SUSD6: variants seen among roughly 807,000 people sequenced by gnomAD.
The protein encoded by SUSD6 is sushi domain containing 6.
In SUSD6, 16 loss-of-function variants were observed where a neutral mutation model predicts 28.4. The ratio of observed to expected loss-of-function variants is 0.56; its 90% CI spans 0.38 to 0.86. The LOEUF is 0.86. Ranked by LOEUF, SUSD6 falls within the 40% of genes least tolerant of loss-of-function variation. SUSD6 has a pLI of 0.00. For missense variants in SUSD6, 341 were observed against 384.2 expected (o/e 0.89, Z 0.94); for synonymous variants, 147 against 159.6 (o/e 0.92, Z 0.59).
chr14:69,663,378 T>C lies in SUSD6; in HGVS notation c.121+4665T>C, dbSNP rs554514997. Among the ~76,000 whole-genome samples the C allele has an allele frequency of 9.3e-4, 142 of 152,344 alleles. 1 individual carries two copies. The highest frequency in any genetic ancestry group is 1.2e-3 in the Non-Finnish European group (84 of 68,032). ...GAAAACAGCCATCTGCATTTCTACATGACAGAAAGCCAGGCAGTTAGTTTT... is the reference window on the plus strand; with the variant it reads ...GAAAACAGCCATCTGCATTTCTACACGACAGAAAGCCAGGCAGTTAGTTTT... On this transcript the variant is annotated intron_variant, in intron 2 of 5. Transcript: ENST00000342745.
chr14:69,709,021 A>G lies in SUSD6; in HGVS notation c.803A>G (p.Gln268Arg), dbSNP rs1467975999. ...TGGGTGGCCGGCTCAGGGAACCGCC[A>G]ACTGGCACACAAAGAAACTGCAGAT... ...SSWVAGSGNR[Q>R]LAHKETADSE... The change falls in exon 5 of 6, where the codon CAA becomes CGA. Residue 268 changes from glutamine (Q) to arginine (R), a missense_variant. Physicochemically the swap from Gln to Arg is conservative, Grantham distance 43. Coordinates refer to ENST00000342745, the MANE Select transcript of SUSD6 (RefSeq NM_014734.4). 3 of 1,614,054 alleles carry G rather than the reference A, an allele frequency of 1.9e-6. No homozygotes were observed. The South Asian group carries it at 3.3e-5, about 18-fold the overall frequency.
chr14:69,680,123 T>C (rs1020057953), intron 2 of SUSD6, among the ~76,000 whole-genome samples: 1 of 152,164 alleles, frequency 6.6e-6, no homozygotes, highest in Non-Finnish European at 1.5e-5. Context: ...TTTTGGATCC[T>C]TGGGTTCACT....
At chr14:69,622,171 T>C (rs1244380111) in intron 1 of SUSD6, among the ~76,000 whole-genome samples, 2 of 152,206 alleles carry the variant, frequency 1.3e-5, no homozygotes, top group Non-Finnish European at 2.9e-5. Flanking sequence ...CTTTTTTGTT[T>C]GTTTGTTTTT....
intron 2 of SUSD6, among the ~76,000 whole-genome samples, chr14:69,701,782 G>T (rs757757845): frequency 1.6e-4 from 24 of 152,102 alleles, no homozygotes; most frequent in Non-Finnish European, 2.9e-4. Context: ...CACCTACCCA[G>T]CTTTGTTTTG....
chr14:69,674,705 T>C (rs1268495178), intron 2 of SUSD6, among the ~76,000 whole-genome samples: 1 of 152,048 alleles, frequency 6.6e-6, no homozygotes, highest in East Asian at 1.9e-4. Flanking sequence ...AGCCTGATGG[T>C]GTTTGTATTG....
intron 2 of SUSD6, among the ~76,000 whole-genome samples, chr14:69,689,908 C>T (rs543861490): frequency 1.3e-5 from 2 of 152,320 alleles, no homozygotes; most frequent in African/African-American, 4.8e-5. Flanking sequence ...TCAAGTGATC[C>T]GCCTGTCTTG....
At chr14:69,614,223 C>T (rs1450359488) in intron 1 of SUSD6, among the ~76,000 whole-genome samples, 3 of 152,176 alleles carry the variant, frequency 2.0e-5, no homozygotes, top group Non-Finnish European at 2.9e-5. Flanking sequence ...CGTGTCATCA[C>T]GCCTGGCTAA....
Position 69,676,441 on chromosome 14 carries a change from G to A in SUSD6, c.121+17728G>A, listed in dbSNP as rs111969159. On this transcript the variant is annotated intron_variant, in intron 2 of 5. Transcript: ENST00000342745. ...TGTTTCCCAGATTGGAGTGTGGTGGGTAATCACGGCTCATTGCAGCCTCCA... is the reference window on the plus strand; with the variant it reads ...TGTTTCCCAGATTGGAGTGTGGTGGATAATCACGGCTCATTGCAGCCTCCA... Among the ~76,000 whole-genome samples the A allele has an allele frequency of 1.8e-3, 275 of 151,932 alleles. 2 individuals are homozygous for A. Among genetic ancestry groups the A allele is most frequent in the African/African-American group, 6.4e-3 (265 of 41,410 alleles).
chr14:69,634,063 A>G lies in SUSD6; in HGVS notation c.-81+22235A>G, dbSNP rs186985204. ...TTGTCTCCCAAGAGTTTGTATTATCATGGGATTCTCTTGAAACTCTGGTTC... is the reference window on the plus strand; with the variant it reads ...TTGTCTCCCAAGAGTTTGTATTATCGTGGGATTCTCTTGAAACTCTGGTTC... On this transcript the variant is annotated intron_variant, in intron 1 of 5. Transcript: ENST00000342745. Among the ~76,000 whole-genome samples, 79 of 152,340 alleles carry G rather than the reference A, an allele frequency of 5.2e-4. No homozygotes were observed. The South Asian group carries it at 5.6e-3, about 11-fold the overall frequency.
chr14:69,698,778 T>C (rs1484456999), intron 2 of SUSD6, among the ~76,000 whole-genome samples: 1 of 152,242 alleles, frequency 6.6e-6, no homozygotes, highest in African/African-American at 2.4e-5. Context: ...GCCTACTGTG[T>C]GCACTCCCTG....
rs1039249337 is a variant in SUSD6 at position 69,709,033 on chromosome 14, A to G, written c.815A>G (p.Lys272Arg). ...AGSGNRQLAH[K>R]ETADSENSDI... is the part of the protein sequence containing the mutation. ...TCAGGGAACCGCCAACTGGCACACAAAGAAACTGCAGATTCAGAGAACAGT... is the reference window on the plus strand; with the variant it reads ...TCAGGGAACCGCCAACTGGCACACAGAGAAACTGCAGATTCAGAGAACAGT... Residue 272 changes from lysine (K) to arginine (R), a missense_variant, in exon 5 of 6, where the codon AAA becomes AGA. Lys to Arg is a conservative substitution (Grantham distance 26, BLOSUM62 2). Coordinates refer to ENST00000342745, the MANE Select transcript of SUSD6 (RefSeq NM_014734.4). The G allele has an allele frequency of 9.9e-6, 16 of 1,613,846 alleles. No individual in the cohort carries two copies. Among genetic ancestry groups the G allele is most frequent in the South Asian group, 2.2e-5 (2 of 91,066 alleles).
At chr14:69,677,377 C>G (rs558462802) in intron 2 of SUSD6, among the ~76,000 whole-genome samples, 51 of 149,254 alleles carry the variant, frequency 3.4e-4, no homozygotes, top group Admixed American at 2.0e-3. Flanking sequence ...AACCCCGTCT[C>G]TACTAAAAAT....
At chr14:69,668,628 T>C (rs1346175453) in intron 2 of SUSD6, among the ~76,000 whole-genome samples, 1 of 103,730 alleles carries the variant, frequency 9.6e-6, no homozygotes, top group African/African-American at 3.1e-5. Flanking sequence ...AGAGCAAGAA[T>C]TCGTCTCAAA....
chr14:69,690,077 A>G (rs954762034), intron 2 of SUSD6, among the ~76,000 whole-genome samples: 1 of 152,202 alleles, frequency 6.6e-6, no homozygotes, highest in Non-Finnish European at 1.5e-5. Context: ...ATAGTTATCT[A>G]CCAACATGCA....
At chr14:69,709,792 G>A (rs1886437100) in intron 5 of SUSD6, among the ~76,000 whole-genome samples, 2 of 152,198 alleles carry the variant, frequency 1.3e-5, no homozygotes, top group African/African-American at 4.8e-5. Context: ...CCAGAGGCCA[G>A]TTTACCCTGG....
chr14:69,665,149 G>A lies in SUSD6; in HGVS notation c.121+6436G>A, dbSNP rs1052474986. Among the ~76,000 whole-genome samples, 3 of 152,168 alleles carry A rather than the reference G, an allele frequency of 2.0e-5. No homozygotes were observed. In the East Asian group the frequency reaches 5.8e-4, roughly 29 times the overall value. On this transcript the variant is annotated intron_variant, in intron 2 of 5. Coordinates refer to ENST00000342745, the MANE Select transcript of SUSD6 (RefSeq NM_014734.4). ...TGCAATGTGAATGAGGAGTTCCCTG[G>A]CTGCTGACTTCTTTCCAGCCCTGTT...
intron 1 of SUSD6, among the ~76,000 whole-genome samples, chr14:69,654,904 C>T (rs1267888305): frequency 2.0e-5 from 3 of 149,322 alleles, no homozygotes; most frequent in East Asian, 2.0e-4. Flanking sequence ...AAGCGATTCT[C>T]CTGCCTCAGC....
At chr14:69,635,525 T>C (rs1276540573) in intron 1 of SUSD6, among the ~76,000 whole-genome samples, 1 of 151,940 alleles carries the variant, frequency 6.6e-6, no homozygotes, top group African/African-American at 2.4e-5. Context: ...GAGGACATAT[T>C]CTAAAGAGTT....
chr14:69,662,633 C>T lies in SUSD6; in HGVS notation c.121+3920C>T, dbSNP rs76095642. ...CTAGTCACACCATGCAGTGGATAGA[C>T]CAGAATTAAAAATAAAATCTATGCA... is the stretch of plus-strand genomic sequence containing the variant. On this transcript the variant is annotated intron_variant, in intron 2 of 5. Transcript: ENST00000342745. 1.7e-3 allele frequency among the ~76,000 whole-genome samples: 265 copies of T among 152,266 alleles called. 5 individuals are homozygous for T. In the East Asian group the frequency reaches 0.041, roughly 24 times the overall value.
Sources: allele counts gnomAD v4.1 joint callset (sites outside exome capture counted in the v4.1 genomes callset), GRCh38; gene constraint gnomAD v4.1.1; transcripts MANE v1.5; gene names NCBI Gene and HGNC (gene_info 2026-07-23, HGNC 2026-07-21).